The following NRG3 variants were observed in gnomAD, a reference collection of about 807,000 sequenced individuals.
NRG3 encodes the protein neuregulin 3, also known as pro-neuregulin-3, membrane-bound isoform.
In NRG3, 31 loss-of-function variants were observed where a neutral mutation model predicts 66.9. The observed-to-expected ratio is 0.46, with a 90% confidence interval of 0.35 to 0.63. NRG3 has a LOEUF of 0.63. Ranked by LOEUF, NRG3 falls within the 20% of genes least tolerant of loss-of-function variation. The pLI is 0.00. For missense variants in NRG3, 910 were observed against 878.9 expected (o/e 1.04, Z -0.45); for synonymous variants, 393 against 359.4 (o/e 1.09, Z -1.06).
chr10:82,466,003 G>A (rs753138399), intron 2 of NRG3, among the ~76,000 whole-genome samples: 7 of 152,198 alleles, frequency 4.6e-5, no homozygotes, highest in East Asian at 1.9e-4. Context: ...TGATTGCCCA[G>A]GCACTCATGC....
intron 1 of NRG3, among the ~76,000 whole-genome samples, chr10:82,216,905 C>A (rs2075718417): frequency 6.6e-6 from 1 of 152,016 alleles, no homozygotes; most frequent in African/African-American, 2.4e-5. Flanking sequence ...TCTCAAATAT[C>A]AGGTTGTCTG....
intron 4 of NRG3, among the ~76,000 whole-genome samples, chr10:82,884,543 T>A (rs1045669421): frequency 6.6e-6 from 1 of 152,186 alleles, no homozygotes; most frequent in African/African-American, 2.4e-5. Flanking sequence ...ATCTCACAGT[T>A]TGGCAATGCC....
At chr10:82,048,590 A>T (rs1353230864) in intron 1 of NRG3, among the ~76,000 whole-genome samples, 1 of 150,200 alleles carries the variant, frequency 6.7e-6, no homozygotes, top group Non-Finnish European at 1.5e-5. Flanking sequence ...TCTGGGACAC[A>T]TTCAAAGCAG....
At chr10:81,880,330 G>C (rs143429038) in intron 1 of NRG3, among the ~76,000 whole-genome samples, 1 of 151,898 alleles carries the variant, frequency 6.6e-6, no homozygotes, top group East Asian at 1.9e-4. Flanking sequence ...TTAATTGAGA[G>C]TCCCTTCTGC....
intron 2 of NRG3, among the ~76,000 whole-genome samples, chr10:82,380,403 A>G (rs886479167): frequency 2.0e-5 from 3 of 152,178 alleles, no homozygotes; most frequent in Non-Finnish European, 2.9e-5. Flanking sequence ...GCCCAGAAAC[A>G]TGCTAAGTAC....
At chr10:82,792,767 A>G (rs1591540560) in intron 3 of NRG3, among the ~76,000 whole-genome samples, 1 of 151,890 alleles carries the variant, frequency 6.6e-6, no homozygotes, top group Non-Finnish European at 1.5e-5. Flanking sequence ...CGCAACCTCC[A>G]CCTCCTGAGT....
chr10:81,990,435 A>AGATT (rs1459607873), intron 1 of NRG3, among the ~76,000 whole-genome samples: 1 of 152,156 alleles, frequency 6.6e-6, no homozygotes, highest in African/African-American at 2.4e-5. Context: ...ATTGTTCTTT[A>AGATT]GATTACTTAT....
At chr10:81,979,400 C>T (rs969325577) in intron 1 of NRG3, among the ~76,000 whole-genome samples, 1 of 152,046 alleles carries the variant, frequency 6.6e-6, no homozygotes, top group Admixed American at 6.5e-5. Context: ...AGGCATTGTG[C>T]ACACATTGCT....
intron 2 of NRG3, among the ~76,000 whole-genome samples, chr10:82,676,727 C>T (rs2053712447): frequency 6.6e-6 from 1 of 152,092 alleles, no homozygotes; most frequent in South Asian, 2.1e-4. Context: ...AAATTATCTG[C>T]CCCCCTCGGC....
At chr10:82,601,129 C>CT (rs1288605029) in intron 2 of NRG3, among the ~76,000 whole-genome samples, 3 of 152,134 alleles carry the variant, frequency 2.0e-5, no homozygotes, top group Non-Finnish European at 4.4e-5. Context: ...TGATTTTATT[C>CT]TTTTTTATGG....
chr10:82,763,154 A>C (rs535663661), intron 3 of NRG3, among the ~76,000 whole-genome samples: 1 of 152,308 alleles, frequency 6.6e-6, no homozygotes, highest in African/African-American at 2.4e-5. Flanking sequence ...TTCATGTAGA[A>C]AGAATGAATC....
intron 1 of NRG3, among the ~76,000 whole-genome samples, chr10:82,294,430 ATG>A (rs2079931082): frequency 2.8e-5 from 4 of 141,428 alleles, no homozygotes; most frequent in Non-Finnish European, 5.9e-5. Flanking sequence ...TATTCTACTG[ATG>A]AAGTGTGTGT....
At chr10:82,136,746 C>T (rs565041592) in intron 1 of NRG3, among the ~76,000 whole-genome samples, 1 of 152,258 alleles carries the variant, frequency 6.6e-6, no homozygotes, top group African/African-American at 2.4e-5. Context: ...TGGGTTCTCA[C>T]CACTGGGATG....
intron 2 of NRG3, among the ~76,000 whole-genome samples, chr10:82,618,772 G>A (rs576761317): frequency 6.6e-6 from 1 of 151,928 alleles, no homozygotes; most frequent in African/African-American, 2.4e-5. Context: ...TGAAAATTAT[G>A]GTGTCATAAT....
chr10:81,949,183 A>T (rs1387393654), intron 1 of NRG3, among the ~76,000 whole-genome samples: 1 of 152,134 alleles, frequency 6.6e-6, no homozygotes, highest in Non-Finnish European at 1.5e-5. Flanking sequence ...AGCTGATACC[A>T]CATGGCTCAA....
intron 3 of NRG3, among the ~76,000 whole-genome samples, chr10:82,741,674 TA>T (rs1185228667): frequency 3.3e-5 from 5 of 152,162 alleles, no homozygotes; most frequent in African/African-American, 1.2e-4. Context: ...TCAGGGAAGC[TA>T]AGTAAACTTG....
intron 4 of NRG3, among the ~76,000 whole-genome samples, chr10:82,911,221 G>T (rs1845289615): frequency 6.6e-6 from 1 of 152,004 alleles, no homozygotes; most frequent in Non-Finnish European, 1.5e-5. Flanking sequence ...ATGGGATATG[G>T]TTAAGTGGTT....
At chr10:82,313,895 G>C (rs188367352) in intron 1 of NRG3, among the ~76,000 whole-genome samples, 1 of 152,188 alleles carries the variant, frequency 6.6e-6, no homozygotes, top group African/African-American at 2.4e-5. Context: ...CTATGTGCTT[G>C]AGCATCATCT....
At chr10:82,812,194 C>A (rs1285605705) in intron 3 of NRG3, among the ~76,000 whole-genome samples, 2 of 152,106 alleles carry the variant, frequency 1.3e-5, no homozygotes, top group African/African-American at 2.4e-5. Flanking sequence ...ATCTAAGATC[C>A]TCTATTTCTC....
Sources: gnomAD v4.1 joint callset for allele counts (sites outside exome capture counted in the v4.1 genomes callset) on GRCh38, gnomAD v4.1.1 for gene constraint, MANE v1.5 for transcripts, NCBI Gene and HGNC (gene_info 2026-07-23, HGNC 2026-07-21) for gene names.